Variants in TNRC6A observed in about 807,000 individuals in gnomAD.
TNRC6A encodes trinucleotide repeat-containing gene 6A protein.
TNRC6A carries 44 observed loss-of-function variants against 221.2 expected under a neutral mutation model. The observed-to-expected ratio is 0.20, with a 90% CI of 0.16 to 0.26. The LOEUF is 0.26. TNRC6A is among the 10% of genes least tolerant of loss of function. TNRC6A has a pLI of 1.00. For synonymous variants in TNRC6A, 847 were observed against 838.5 expected (o/e 1.01, Z -0.18); for missense variants, 2,199 against 2,404.4 (o/e 0.91, Z 1.79).
intron 14 of TNRC6A, chr16:24,805,397 CTAGTT>C (rs1567504733): frequency 1.1e-6 from 1 of 894,762 alleles, no homozygotes; most frequent in Admixed American, 2.9e-5. Flanking sequence ...GTAAAATTGA[CTAGTT>C]TAAGATGCAC....
At chr16:24,789,150 A>C in intron 5 of TNRC6A, 82 bp from the exon 6 acceptor site, 1 of 1,340,104 alleles carries the variant, frequency 7.5e-7, no homozygotes, top group Non-Finnish European at 1.0e-6. Context: ...TTTATAACAT[A>C]TTCGTCATTT....
chr16:24,824,133 C>CCCCCA lies in TNRC6A; in HGVS notation c.*330_*331insACCCC, dbSNP rs2058827984. On this transcript the variant is annotated 3_prime_UTR_variant, in exon 25 of 25. Transcript: ENST00000395799. ...TCCTTCTATTCCTCCCCAACCCCCC[C>CCCCCA]CCCCGCCCCTTTTTTTCTCTCTTGC... 7.4e-6 allele frequency: 1 copy of CCCCCA among 134,552 alleles called. No homozygotes were observed. The highest frequency in any genetic ancestry group is 3.7e-5 in the African/African-American group (1 of 27,060). The allele number at this position is 134,552 out of a possible 1,614,324, so 8.3% of individuals were successfully genotyped here.
intron 4 of TNRC6A, among the ~76,000 whole-genome samples, chr16:24,772,085 C>A (rs1211615399): frequency 6.6e-6 from 1 of 152,174 alleles, no homozygotes; most frequent in East Asian, 1.9e-4. Flanking sequence ...ACTTGCCAAC[C>A]CCTGTTGTAT....
At chr16:24,766,839 G>A (rs531015176) in intron 4 of TNRC6A, among the ~76,000 whole-genome samples, 1 of 152,026 alleles carries the variant, frequency 6.6e-6, no homozygotes, top group Non-Finnish European at 1.5e-5. Flanking sequence ...ACCACACCCA[G>A]CTAATTTTTG....
At chr16:24,682,806 G>T (rs1016397123) in intron 2 of TNRC6A, among the ~76,000 whole-genome samples, 1 of 152,080 alleles carries the variant, frequency 6.6e-6, no homozygotes, top group African/African-American at 2.4e-5. Flanking sequence ...ATCTTCTGGG[G>T]CTCCCTATTG....
intron 3 of TNRC6A, among the ~76,000 whole-genome samples, chr16:24,757,696 A>G (rs1004030780): frequency 1.3e-5 from 2 of 152,348 alleles, no homozygotes; most frequent in Non-Finnish European, 2.9e-5. Context: ...AAGGCAGTGA[A>G]AGCAGAGTTC....
intron 2 of TNRC6A, among the ~76,000 whole-genome samples, chr16:24,664,611 TAATAAA>T (rs1034068419): frequency 4.9e-5 from 7 of 143,210 alleles, no homozygotes; most frequent in African/African-American, 1.8e-4. Context: ...TTTTAAAATA[TAATAAA>T]TATAAATATA....
chr16:24,702,752 A>G (rs985610576), intron 2 of TNRC6A, among the ~76,000 whole-genome samples: 2 of 152,030 alleles, frequency 1.3e-5, no homozygotes, highest in Non-Finnish European at 2.9e-5. Flanking sequence ...AATAAAGCAT[A>G]CAGCCAGGCG....
chr16:24,613,303 C>T (rs1370135034), intron 1 of TNRC6A, among the ~76,000 whole-genome samples: 1 of 151,524 alleles, frequency 6.6e-6, no homozygotes. Flanking sequence ...AGGGCAAGGG[C>T]TCAAGAATGC....
At chr16:24,726,247 A>G (rs1004711351), upstream of TNRC6A, among the ~76,000 whole-genome samples, 1 of 152,112 alleles carries the variant, frequency 6.6e-6, no homozygotes, top group Non-Finnish European at 1.5e-5. Flanking sequence ...GAGATTACCC[A>G]TCCTAAAGGG....
At chr16:24,687,949 CTTTTCT>C (rs1489562522) in intron 2 of TNRC6A, among the ~76,000 whole-genome samples, 139 of 76,010 alleles carry the variant, frequency 1.8e-3, no homozygotes, top group African/African-American at 6.6e-3. Context: ...CTTTTCTTTT[CTTTTCT>C]TTTTTTTTTT....
intron 2 of TNRC6A, among the ~76,000 whole-genome samples, chr16:24,718,237 A>G (rs544453354): frequency 6.6e-6 from 1 of 152,308 alleles, no homozygotes; most frequent in African/African-American, 2.4e-5. Context: ...TTATCTCACG[A>G]GAGCATGTGA....
intron 5 of TNRC6A, among the ~76,000 whole-genome samples, chr16:24,786,759 G>T (rs1024624338): frequency 1.3e-4 from 19 of 151,666 alleles, no homozygotes; most frequent in Non-Finnish European, 2.4e-4. Flanking sequence ...TCGGCTCACG[G>T]CAACAGCCTC....
rs2058068113 is a variant in TNRC6A at position 24,790,196 on chromosome 16, T to C, written c.1554T>C (p.Tyr518=). 3 of 1,614,104 alleles carry C rather than the reference T, an allele frequency of 1.9e-6. No homozygotes were observed. The highest frequency in any genetic ancestry group is 1.3e-5 in the African/African-American group (1 of 74,932). Residue 518 remains tyrosine (Y), a synonymous_variant, in exon 6 of 25, where the codon TAT becomes TAC. Transcript: ENST00000395799. ...GAGAGTCAAAAAGTGGAGGCTCTTA[T>C]GGTACTACATGGGGTGCCTATGGTT... ...SNGESKSGGS[Y]GTTWGAYGSN... is the part of the protein sequence containing the mutation.
Position 24,815,333 on chromosome 16 carries a change from A to G in TNRC6A, c.4831+28A>G, listed in dbSNP as rs745397581. The G allele has an allele frequency of 5.0e-6, 8 of 1,611,464 alleles. No homozygotes were observed. The Admixed American group carries it at 1.2e-4, about 24-fold the overall frequency. ...AAAATTTTTTCTAACACTTTCTTTC[A>G]TGAGACTGTGTTTCCATTAAGGTTT... On this transcript the variant is annotated intron_variant, in intron 19 of 24. Transcript: ENST00000395799.
intron 1 of TNRC6A, among the ~76,000 whole-genome samples, chr16:24,627,523 T>C (rs1901084727): frequency 6.6e-6 from 1 of 152,012 alleles, no homozygotes; most frequent in Admixed American, 6.6e-5. Flanking sequence ...TTGTTTACTC[T>C]GATCTTGGAT....
At chr16:24,662,265 C>T (rs2055050291) in intron 2 of TNRC6A, 1 of 150,960 alleles carries the variant, frequency 6.6e-6, no homozygotes, top group Non-Finnish European at 1.5e-5. Flanking sequence ...GCCTAAGCAA[C>T]ATGGTGAGAC....
chr16:24,743,480 C>G (rs1448356023), intron 2 of TNRC6A, among the ~76,000 whole-genome samples: 1 of 152,096 alleles, frequency 6.6e-6, no homozygotes, highest in Non-Finnish European at 1.5e-5. Flanking sequence ...CATGCACCAC[C>G]ACACCCAGTT....
intron 1 of TNRC6A, among the ~76,000 whole-genome samples, chr16:24,621,083 C>CAA (rs56266931): frequency 0.019 from 773 of 40,692 alleles, 15 homozygotes; most frequent in African/African-American, 0.038. Flanking sequence ...GACGCCGTCT[C>CAA]AAAAAAAAAA....
Sources: allele counts gnomAD v4.1 joint callset (sites outside exome capture counted in the v4.1 genomes callset), GRCh38; gene constraint gnomAD v4.1.1; transcripts MANE v1.5; gene names NCBI Gene and HGNC (gene_info 2026-07-23, HGNC 2026-07-21).